Variants in OR1D2 observed in about 807,000 individuals in gnomAD.
The protein encoded by OR1D2 is olfactory receptor 1D2.
For missense variants in OR1D2, 357 were observed against 376.1 expected (o/e 0.95, Z 0.42); for synonymous variants, 157 against 153.9 (o/e 1.02, Z -0.15).
intron 1 of OR1D2, among the ~76,000 whole-genome samples, chr17:3,101,822 C>G (rs554030185): frequency 9.2e-5 from 14 of 152,298 alleles, no homozygotes; most frequent in African/African-American, 3.1e-4. Context: ...AGCAAAATCT[C>G]AGGTTACAAA....
intron 1 of OR1D2, among the ~76,000 whole-genome samples, chr17:3,099,214 G>T (rs1469974331): frequency 6.6e-6 from 1 of 152,092 alleles, no homozygotes; most frequent in East Asian, 1.9e-4. Context: ...TCAACCCCAA[G>T]ACACATAATC....
At position 3,092,086 on chromosome 17, in the gene OR1D2, A is replaced by G; in HGVS notation, c.911T>C (p.Leu304Pro). ...KDMHGALGRL[L>P]DKHFKRLT is the part of the protein sequence containing the mutation. Reference sequence around the variant, plus strand: ...TGTCAGCCTCTTAAAGTGTTTATCTAGGAGTCTTCCCAGAGCCCCATGCAT... The same window carrying G: ...TGTCAGCCTCTTAAAGTGTTTATCTGGGAGTCTTCCCAGAGCCCCATGCAT... The change falls in exon 2 of 2, where the codon CTA becomes CCA. Residue 304 changes from leucine to proline, a missense_variant. Physicochemically the swap from Leu to Pro is moderately conservative, Grantham distance 98. Transcript: ENST00000641833. 1 of 1,612,802 alleles carries G rather than the reference A, an allele frequency of 6.2e-7. No individual in the cohort carries two copies. Among genetic ancestry groups the G allele is most frequent in the Non-Finnish European group, 8.5e-7 (1 of 1,179,398 alleles).
Position 3,089,723 on chromosome 17 carries a change from T to G in OR1D2, c.*2335A>C, listed in dbSNP as rs2047795277. The G allele has an allele frequency of 6.6e-6, 1 of 152,290 alleles. No homozygotes were observed. Among genetic ancestry groups the G allele is most frequent in the Admixed American group, 6.5e-5 (1 of 15,278 alleles). The allele number at this position is 152,290 out of a possible 1,614,324, so 9.4% of individuals were successfully genotyped here. On this transcript the variant is annotated 3_prime_UTR_variant, in exon 2 of 2. Coordinates refer to ENST00000641833, the MANE Select transcript of OR1D2 (RefSeq NM_002548.3). ...TCGGTGGGGCTTGCTGTGGCCACTG[T>G]GAGGGATGGGGGTGTGGTTAACAGG...
chr17:3,094,814 C>G (rs181420845), intron 1 of OR1D2, among the ~76,000 whole-genome samples: 1 of 151,898 alleles, frequency 6.6e-6, no homozygotes, highest in Admixed American at 6.6e-5. Flanking sequence ...TGGGGAATAT[C>G]AATAAAAAGA....
intron 1 of OR1D2, among the ~76,000 whole-genome samples, chr17:3,101,488 ACT>A (rs1435743608): frequency 1.1e-4 from 16 of 152,154 alleles, no homozygotes; most frequent in African/African-American, 3.6e-4. Flanking sequence ...CATGTTAAAA[ACT>A]CTCAATAAAC....
At position 3,092,600 on chromosome 17, in the gene OR1D2, T is replaced by C. The variant is rs2047819382; in HGVS notation, c.397A>G (p.Thr133Ala). ...CAGAGCTTAGGGCTCATGGCTGTGG[T>C]GTAGTGGAGGGGGCAGCAGATGGCC... The part of the protein sequence containing the change: ...YVAICCPLHY[T>A]TAMSPKLCIL... Residue 133 changes from threonine to alanine, a missense_variant, in exon 2 of 2, where the codon ACC becomes GCC. Thr to Ala is a moderately conservative substitution (Grantham distance 58). Coordinates refer to ENST00000641833, the MANE Select transcript of OR1D2 (RefSeq NM_002548.3). 6.2e-7 allele frequency: 1 copy of C among 1,613,168 alleles called. No individual in the cohort carries two copies. Among genetic ancestry groups the C allele is most frequent in the Non-Finnish European group, 8.5e-7 (1 of 1,179,800 alleles).
chr17:3,094,525 C>G (rs370440096), intron 1 of OR1D2, among the ~76,000 whole-genome samples: 5 of 152,150 alleles, frequency 3.3e-5, no homozygotes, highest in East Asian at 1.9e-4. Context: ...TAGGTAAATA[C>G]CAATAACCAG....
chr17:3,088,938 C>T lies in OR1D2; in HGVS notation c.*3120G>A, dbSNP rs1322605848. On this transcript the variant is annotated 3_prime_UTR_variant, in exon 2 of 2. Transcript: ENST00000641833. The stretch of plus-strand genomic sequence containing the variant: ...GAACTTCACCTTTCTCGGGCACCTC[C>T]TTGATTAGCTTAATACTCAACTTTC... 1 of 151,560 alleles carries T rather than the reference C, an allele frequency of 6.6e-6. No homozygotes were observed. The highest frequency in any genetic ancestry group is 1.5e-5 in the Non-Finnish European group (1 of 67,936). The allele number at this position is 151,560 out of a possible 1,614,324, so 9.4% of individuals were successfully genotyped here.
At chr17:3,102,091 T>C (rs1231371832) in intron 1 of OR1D2, among the ~76,000 whole-genome samples, 1 of 152,246 alleles carries the variant, frequency 6.6e-6, no homozygotes, top group African/African-American at 2.4e-5. Context: ...GTACATATTA[T>C]TGCAATGTTT....
At chr17:3,093,704 T>A (rs921478726) in intron 1 of OR1D2, among the ~76,000 whole-genome samples, 24 of 152,170 alleles carry the variant, frequency 1.6e-4, no homozygotes, top group Non-Finnish European at 3.2e-4. Context: ...AGGAAAAATG[T>A]TATAATGAAA....
chr17:3,099,936 G>A (rs1203515028), intron 1 of OR1D2, among the ~76,000 whole-genome samples: 4 of 152,048 alleles, frequency 2.6e-5, no homozygotes, highest in Admixed American at 6.6e-5. Context: ...AAAGGCAAGG[G>A]CATTACATAA....
rs997044463 is a variant in OR1D2, at chr17:3,093,012, T to C, written c.-16A>G. On this transcript the variant is annotated 5_prime_UTR_variant, in exon 2 of 2. Transcript: ENST00000641833. ...CTCCATCCATTTCCCCAACTCTCTT[T>C]TAACATTAACACCAGCAAATGTTTA... The C allele has an allele frequency of 6.2e-6, 10 of 1,607,814 alleles. No individual in the cohort carries two copies. The African/African-American group carries it at 1.3e-4, about 22-fold the overall frequency.
intron 1 of OR1D2, among the ~76,000 whole-genome samples, chr17:3,096,506 T>C (rs1423759980): frequency 2.6e-5 from 4 of 152,214 alleles, no homozygotes; most frequent in Non-Finnish European, 5.9e-5. Context: ...CCATGCCTGT[T>C]AATCTCATCA....
intron 1 of OR1D2, among the ~76,000 whole-genome samples, chr17:3,101,205 C>T (rs2047873525): frequency 6.6e-6 from 1 of 152,068 alleles, no homozygotes. Context: ...CAAAACCTCA[C>T]AGAGACATAA....
At position 3,092,826 on chromosome 17, in the gene OR1D2, G is replaced by C. The variant is rs779551333; in HGVS notation, c.171C>G (p.Thr57=). ...GGTTGGCCAGGAAGAAGTACACGGG[G>C]GTGTGCAGGCGGGAATCAGAGCTGA... ...LAISSDSRLH[T]PVYFFLANLS... is the part of the protein sequence containing the mutation. Residue 57 remains threonine, a synonymous_variant, in exon 2 of 2, where the codon ACC becomes ACG. Transcript: ENST00000641833. The C allele has an allele frequency of 2.5e-6, 4 of 1,613,924 alleles. No individual in the cohort carries two copies. Among genetic ancestry groups the C allele is most frequent in the African/African-American group, 1.3e-5 (1 of 74,834 alleles).
rs1654348486 is a variant in OR1D2, at chr17:3,093,165, T to A, written c.-50-119A>T. ...AAAGTGAAAAATATAACAAAGTTTT[T>A]ATGCGATATAATTATTTCAGCTACT... is the stretch of plus-strand genomic sequence containing the variant. On this transcript the variant is annotated intron_variant, in intron 1 of 1. Coordinates refer to ENST00000641833, the MANE Select transcript of OR1D2 (RefSeq NM_002548.3). 6.1e-6 allele frequency: 4 copies of A among 653,776 alleles called. No individual in the cohort carries two copies. In the South Asian group the frequency reaches 8.1e-5, roughly 13 times the overall value. The allele number at this position is 653,776 out of a possible 1,614,324, so 40.5% of individuals were successfully genotyped here. A position where few individuals can be genotyped will look rare whatever the true frequency, so the allele number is the denominator to read the frequency against.
rs143754430 is a variant in OR1D2 at position 3,097,025 on chromosome 17, C to T, written c.-50-3979G>A. On this transcript the variant is annotated intron_variant, in intron 1 of 1. Transcript: ENST00000641833. The stretch of plus-strand genomic sequence containing the variant: ...AAATACAAAGTATGTTTTCCCACTG[C>T]AGTAGAATAAAATTAGCAATGAATA... 1.2e-4 allele frequency among the ~76,000 whole-genome samples: 18 copies of T among 152,284 alleles called. No homozygotes were observed. In the East Asian group the frequency reaches 1.5e-3, roughly 13 times the overall value.
In OR1D2 at chr17:3,100,367, A is replaced by G. The variant is rs375898214; in HGVS notation, c.-51+3732T>C. Among the ~76,000 whole-genome samples the G allele has an allele frequency of 5.3e-5, 8 of 152,348 alleles. No homozygotes were observed. In the East Asian group the frequency reaches 9.6e-4, roughly 18 times the overall value. On this transcript the variant is annotated intron_variant, in intron 1 of 1. Coordinates refer to ENST00000641833, the MANE Select transcript of OR1D2 (RefSeq NM_002548.3). ...CATCAAATTAGAACTCAGGATTGAG[A>G]AACTCATTCAAAACCACACAATTAC...
intron 1 of OR1D2, among the ~76,000 whole-genome samples, chr17:3,098,180 C>T (rs771771139): frequency 2.2e-4 from 34 of 152,178 alleles, no homozygotes; most frequent in Non-Finnish European, 3.4e-4. Context: ...CAAAGTGCTT[C>T]GTTAAACGGA....
Sources: allele counts gnomAD v4.1 joint callset (sites outside exome capture counted in the v4.1 genomes callset), GRCh38; gene constraint gnomAD v4.1.1; transcripts MANE v1.5; gene names NCBI Gene and HGNC (gene_info 2026-07-23, HGNC 2026-07-21).